The following AP3D1 variants were observed in gnomAD, a reference collection of about 807,000 sequenced individuals.
AP3D1 encodes the protein adaptor related protein complex 3 subunit delta 1.
In AP3D1, 51 loss-of-function variants were observed where a neutral mutation model predicts 147.6. The ratio of observed to expected loss-of-function variants is 0.35; its 90% CI spans 0.28 to 0.44. The LOEUF (loss-of-function observed/expected upper bound fraction) is 0.44. Among genes scored for constraint, AP3D1 ranks in the 20% least tolerant of loss-of-function variants. The pLI, the probability that AP3D1 is intolerant of heterozygous loss-of-function variation, is 1.00. For missense variants in AP3D1, 1,421 were observed against 1,624.2 expected (o/e 0.87, Z 2.15); for synonymous variants, 760 against 663.0 (o/e 1.15, Z -2.25).
rs1400652897 is a variant in AP3D1 at position 2,102,265 on chromosome 19, C to T, written c.3556G>A (p.Glu1186Lys). 2.5e-6 allele frequency: 4 copies of T among 1,612,306 alleles called. No individual in the cohort carries two copies. Among genetic ancestry groups the T allele is most frequent in the Non-Finnish European group, 3.4e-6 (4 of 1,178,462 alleles). Reference protein sequence around the residue: ...HHVCLLVKKGENSVSVDGKCS... With the variant: ...HHVCLLVKKGKNSVSVDGKCS... ...TTCCCGTCGACTGAGACAGAGTTCT[C>T]ACCCTGTGTAAGGAAAAAAGATGGA... Residue 1186 changes from glutamate (E) to lysine (K), a missense_variant, in exon 32 of 32, where the codon GAG becomes AAG. Around this residue, in one of 6 missense-constraint regions of AP3D1, gnomAD observed 9 missense variants for 25.7 expected, o/e 0.35. Coordinates refer to ENST00000643116, the MANE Select transcript of AP3D1 (RefSeq NM_001261826.3).
chr19:2,115,147 T>C (rs1412967519), intron 20 of AP3D1, 72 bp downstream of exon 20: 12 of 1,476,676 alleles, frequency 8.1e-6, no homozygotes, highest in South Asian at 1.2e-5. Flanking sequence ...GAGAGGCCAC[T>C]GTGCATGGCC....
intron 4 of AP3D1, among the ~76,000 whole-genome samples, chr19:2,134,679 A>G (rs1186061499): frequency 6.6e-6 from 1 of 151,208 alleles, no homozygotes; most frequent in African/African-American, 2.4e-5. Flanking sequence ...TTGGCTCACC[A>G]CAACCTCCGC....
At chr19:2,102,684 C>A (rs757616445) in intron 31 of AP3D1, among the ~76,000 whole-genome samples, 2 of 150,080 alleles carry the variant, frequency 1.3e-5, no homozygotes, top group Admixed American at 1.3e-4. Flanking sequence ...GCCGAGATCG[C>A]GCCACTGCAC....
intron 26 of AP3D1, 129 bp downstream of exon 26, chr19:2,111,156 C>A: frequency 8.1e-7 from 1 of 1,238,510 alleles, no homozygotes; most frequent in East Asian, 2.4e-5. Context: ...AAGCAACGCC[C>A]CTGCCAGGAA....
At chr19:2,109,420 T>A in intron 29 of AP3D1, 2 of 600,924 alleles carry the variant, frequency 3.3e-6, no homozygotes, top group Middle Eastern at 4.6e-4. Context: ...TTTAAAGAGG[T>A]CACAGAGGTG....
intron 4 of AP3D1, among the ~76,000 whole-genome samples, chr19:2,136,331 G>A (rs1010488259): frequency 3.9e-5 from 6 of 152,194 alleles, no homozygotes; most frequent in Non-Finnish European, 8.8e-5. Context: ...CTGTGGGGTC[G>A]ACAACACAGC....
chr19:2,119,961 GA>G (rs967047000), intron 14 of AP3D1, among the ~76,000 whole-genome samples: 1 of 152,040 alleles, frequency 6.6e-6, no homozygotes, highest in Non-Finnish European at 1.5e-5. Context: ...GGGGCGAGGG[GA>G]AAAAAAGAAA....
At position 2,121,416 on chromosome 19, in the gene AP3D1, G is replaced by A. The variant is rs75138314; in HGVS notation, c.1102-105C>T. The A allele has an allele frequency of 5.3e-3, 7,429 of 1,404,206 alleles. 35 individuals are homozygous for A. The highest frequency in any genetic ancestry group is 0.024 in the Middle Eastern group (125 of 5,114). The allele number at this position is 1,404,206 out of a possible 1,614,324, so 87.0% of individuals were successfully genotyped here. A position where few individuals can be genotyped will look rare whatever the true frequency, so the allele number is the denominator to read the frequency against. On this transcript the variant is annotated intron_variant, in intron 12 of 31. Coordinates refer to ENST00000643116, the MANE Select transcript of AP3D1 (RefSeq NM_001261826.3). ...GAGACAGAATCCACGGGACACAGGCGGACCCGGATTCACAGATCGATGCCA... is the reference window on the plus strand; with the variant it reads ...GAGACAGAATCCACGGGACACAGGCAGACCCGGATTCACAGATCGATGCCA...
Position 2,102,187 on chromosome 19 carries a change from G to A in AP3D1, c.3634C>T (p.Leu1212=), listed in dbSNP as rs759937577. The A allele has an allele frequency of 2.7e-5, 43 of 1,613,838 alleles. No homozygotes were observed. Among genetic ancestry groups the A allele is most frequent in the Middle Eastern group, 3.3e-4 (2 of 6,024 alleles). Residue 1212 remains leucine (L), a synonymous_variant, in exon 32 of 32, where the codon CTG becomes TTG. Coordinates refer to ENST00000643116, the MANE Select transcript of AP3D1 (RefSeq NM_001261826.3). ...SNLLEEMKAT[L]AKC is the part of the protein sequence containing the mutation. ...GCAGGCAGCTCTCAACACTTGGCCA[G>A]CGTCGCCTTCATCTCTTCTAACAAG...
chr19:2,121,857 T>A lies in AP3D1; in HGVS notation c.978A>T (p.Ala326=). 9 of 1,608,266 alleles carry A rather than the reference T, an allele frequency of 5.6e-6. No homozygotes were observed. Among genetic ancestry groups the A allele is most frequent in the Non-Finnish European group, 7.6e-6 (9 of 1,177,920 alleles). The change falls in exon 12 of 32, where the codon GCA becomes GCT. Residue 326 remains alanine (A), a synonymous_variant. Coordinates refer to ENST00000643116, the MANE Select transcript of AP3D1 (RefSeq NM_001261826.3). ...GGTGGGTCTTCAGGATCTTGGACAT[T>A]GCCAGCAGCCCCAGGTACTTCACTG... ...DQNLKYLGLL[A]MSKILKTHPK... is the part of the protein sequence containing the mutation.
In AP3D1 at chr19:2,110,828, C is replaced by G. The variant is rs748298616; in HGVS notation, c.3054G>C (p.Arg1018Ser). Residue 1018 changes from arginine (R) to serine (S), a missense_variant, in exon 27 of 32, where the codon AGG becomes AGC. Physicochemically the swap from Arg to Ser is moderately radical, Grantham distance 110. This residue lies in a region of AP3D1 where 791 missense variants were observed against 761.4 expected (regional missense o/e 1.04). Coordinates refer to ENST00000643116, the MANE Select transcript of AP3D1 (RefSeq NM_001261826.3). ...QVTVAIVLEN[R>S]SSSILKGMEL... ...CCATGCCCTTGAGGATGCTGCTGCT[C>G]CTGTTCTCCAGCACGATGGCCACAG... 7 of 1,613,698 alleles carry G rather than the reference C, an allele frequency of 4.3e-6. No individual in the cohort carries two copies. The highest frequency in any genetic ancestry group is 5.9e-6 in the Non-Finnish European group (7 of 1,180,004).
intron 14 of AP3D1, 60 bp from the exon 15 acceptor site, chr19:2,118,892 G>A (rs554288645): frequency 2.0e-6 from 3 of 1,505,190 alleles, no homozygotes; most frequent in African/African-American, 1.4e-5. Flanking sequence ...CTCTCTAGCA[G>A]GTGAGGACCT....
Position 2,130,676 on chromosome 19 carries a change from G to C in AP3D1, c.463-139C>G, listed in dbSNP as rs1450250515. ...CTGCACACCAGTCCCAGGGGCCACAGACCAGCATCTTGGATGGCATGGAAG... is the reference window on the plus strand; with the variant it reads ...CTGCACACCAGTCCCAGGGGCCACACACCAGCATCTTGGATGGCATGGAAG... On this transcript the variant is annotated intron_variant, in intron 5 of 31. Transcript: ENST00000643116. The C allele has an allele frequency of 5.2e-6, 7 of 1,345,290 alleles. No homozygotes were observed. In the African/African-American group the frequency reaches 7.2e-5, roughly 14 times the overall value. 83.3% of individuals were successfully genotyped at this position (1,345,290 alleles called of 1,614,324 possible). A position where few individuals can be genotyped will look rare whatever the true frequency, so the allele number is the denominator to read the frequency against.
intron 1 of AP3D1, among the ~76,000 whole-genome samples, chr19:2,150,011 G>T (rs2019462919): frequency 6.6e-6 from 1 of 152,222 alleles, no homozygotes; most frequent in African/African-American, 2.4e-5. Flanking sequence ...GAAGGGAAGT[G>T]GGGTGGAGAA....
In AP3D1 at chr19:2,116,628, C is replaced by T. The variant is rs754623425; in HGVS notation, c.1978G>A (p.Ala660Thr). 1.3e-6 allele frequency: 2 copies of T among 1,599,962 alleles called. No individual in the cohort carries two copies. The highest frequency in any genetic ancestry group is 2.2e-5 in the South Asian group (2 of 88,950). The change falls in exon 17 of 32, where the codon GCG becomes ACG. Residue 660 changes from alanine to threonine, a missense_variant. This residue lies in a region of AP3D1 where 791 missense variants were observed against 761.4 expected (regional missense o/e 1.04). Coordinates refer to ENST00000643116, the MANE Select transcript of AP3D1 (RefSeq NM_001261826.3). ...QRRPKHRPSE[A>T]DEEELARRRE... The stretch of plus-strand genomic sequence containing the variant: ...ACCCGAGCCAGCTCTTCCTCGTCCG[C>T]CTCCGACGGCCGGTGCTTGGGACGC...
chr19:2,157,304 T>C (rs1023869265), intron 1 of AP3D1, among the ~76,000 whole-genome samples: 1 of 150,426 alleles, frequency 6.6e-6, no homozygotes, highest in South Asian at 2.1e-4. Context: ...TAGCCGGGCG[T>C]AGTGGCGGGC....
At position 2,129,428 on chromosome 19, in the gene AP3D1, A is replaced by T; in HGVS notation, c.622T>A (p.Cys208Ser). The T allele has an allele frequency of 3.7e-6, 6 of 1,614,094 alleles. No homozygotes were observed. Among genetic ancestry groups the T allele is most frequent in the Non-Finnish European group, 4.2e-6 (5 of 1,179,960 alleles). The change falls in exon 7 of 32, where the codon TGC (cysteine) becomes AGC (serine). Residue 208 changes from cysteine to serine, a missense_variant. By Grantham distance (112) the Cys-to-Ser change is moderately radical (BLOSUM62 -1). Transcript: ENST00000643116. ...GVQSAAVNVI[C>S]ELARRNPKNY... ...TTAGGGTTGCGTCTGGCCAGCTCGC[A>T]GATGACATTGACGGCAGCCGACTGA... is the stretch of plus-strand genomic sequence containing the variant.
At chr19:2,111,155 C>A (rs2018263863) in intron 26 of AP3D1, 130 bp downstream of exon 26, 2 of 1,231,788 alleles carry the variant, frequency 1.6e-6, no homozygotes, top group South Asian at 1.4e-5. Context: ...CAAGCAACGC[C>A]CCTGCCAGGA....
At chr19:2,150,259 G>GCCT (rs1399731410) in intron 1 of AP3D1, among the ~76,000 whole-genome samples, 1 of 152,172 alleles carries the variant, frequency 6.6e-6, no homozygotes, top group Non-Finnish European at 1.5e-5. Flanking sequence ...TTTCAGGCCT[G>GCCT]CCTTGCTGTC....
Sources: allele counts gnomAD v4.1 joint callset (sites outside exome capture counted in the v4.1 genomes callset), GRCh38; gene constraint gnomAD v4.1.1; regional missense constraint gnomAD v4.1.1; transcripts MANE v1.5; gene names NCBI Gene and HGNC (gene_info 2026-07-23, HGNC 2026-07-21).